CCNT1: variants seen among roughly 807,000 people sequenced by gnomAD.
CCNT1 encodes the protein cyclin T1, also known as cyclin-T1.
CCNT1 carries 18 observed loss-of-function variants against 67.3 expected under a neutral mutation model. The ratio of observed to expected loss-of-function variants is 0.27; its 90% CI spans 0.18 to 0.40. The LOEUF is 0.40. Ranked by LOEUF, CCNT1 falls within the 10% of genes least tolerant of loss-of-function variation. The probability of loss-of-function intolerance (pLI) is 1.00; values close to 1 mark genes in which losing one functional copy is unlikely to be tolerated. For missense variants in CCNT1, 744 were observed against 884.9 expected, an observed-to-expected ratio of 0.84 and a Z score of 2.02; for synonymous variants, 333 against 310.3, an observed-to-expected ratio of 1.07 and a Z score of -0.77.
intron 6 of CCNT1, 77 bp from the exon 7 acceptor site, chr12:48,696,239 T>TA (rs71080140): frequency 0.018 from 1,292 of 71,996 alleles, 75 homozygotes; most frequent in African/African-American, 0.082. Flanking sequence ...CTCCATTATT[T>TA]AAAAAAAAAA....
intron 3 of CCNT1, among the ~76,000 whole-genome samples, chr12:48,701,892 C>A (rs2137232866): frequency 6.6e-6 from 1 of 152,042 alleles, no homozygotes. Context: ...AGGCGTGAGC[C>A]ACCGCACCCG....
At position 48,699,442 on chromosome 12, in the gene CCNT1, A is replaced by G. The variant is rs539330424; in HGVS notation, c.496+336T>C. 3.9e-5 allele frequency among the ~76,000 whole-genome samples: 6 copies of G among 152,336 alleles called. No homozygotes were observed. The East Asian group carries it at 1.2e-3, about 29-fold the overall frequency. ...CATGGAAAGTCCAAATAAATTCTGT[A>G]TGATCCTCTAGGTGGCCTTTAATCA... is the stretch of plus-strand genomic sequence containing the variant. On this transcript the variant is annotated intron_variant, in intron 5 of 8. Coordinates refer to ENST00000261900, the MANE Select transcript of CCNT1 (RefSeq NM_001240.4).
In CCNT1 at chr12:48,696,011, C is replaced by G. The variant is rs773460739; in HGVS notation, c.694G>C (p.Glu232Gln). ...WEYVDATVTL[E>Q]LLDELTHEFL... The stretch of plus-strand genomic sequence containing the variant: ...CTCTAAAACTTACCATCTAAAAGTT[C>G]CAAGGTCACAGTGGCGTCAACATAC... The change falls in exon 7 of 9, where the codon GAA becomes CAA. Residue 232 changes from glutamate (E) to glutamine (Q), a missense_variant. Physicochemically the swap from Glu to Gln is conservative, Grantham distance 29. This residue lies in a region of CCNT1 where 142 missense variants were observed against 277.0 expected (regional missense o/e 0.51). Transcript: ENST00000261900. 5.0e-6 allele frequency: 8 copies of G among 1,614,024 alleles called. No homozygotes were observed. The South Asian group carries it at 8.8e-5, about 18-fold the overall frequency.
rs891643085 is a variant in CCNT1, at chr12:48,689,872, TC to T, written c.*3160del. On this transcript the variant is annotated 3_prime_UTR_variant, in exon 9 of 9. Transcript: ENST00000261900. ...ATGTCACCATGATTTTATTTCCATATCCTAATCCATTGCTGTTTGCAACTGG... is the reference window on the plus strand; with the variant it reads ...ATGTCACCATGATTTTATTTCCATATCTAATCCATTGCTGTTTGCAACTGG... 1.3e-5 allele frequency: 2 copies of T among 152,214 alleles called. No homozygotes were observed. The highest frequency in any genetic ancestry group is 4.8e-5 in the African/African-American group (2 of 41,444). The allele number at this position is 152,214 out of a possible 1,614,324, so 9.4% of individuals were successfully genotyped here.
At position 48,693,912 on chromosome 12, in the gene CCNT1, T is replaced by C. The variant is rs1333973539; in HGVS notation, c.1302A>G (p.Ser434=). ...CCTCTATGGGCATTTTTAGAATGACTGAAGAATGGCTATCATGATGAGAAA... is the reference window on the plus strand; with the variant it reads ...CCTCTATGGGCATTTTTAGAATGACCGAAGAATGGCTATCATGATGAGAAA... ...NLLSHHDSHS[S]VILKMPIEGS... The change falls in exon 9 of 9, where the codon TCA becomes TCG. Residue 434 remains serine (S), a synonymous_variant. Transcript: ENST00000261900. 1.2e-6 allele frequency: 2 copies of C among 1,614,162 alleles called. No individual in the cohort carries two copies. The highest frequency in any genetic ancestry group is 1.6e-4 in the Middle Eastern group (1 of 6,062).
At chr12:48,710,339 C>G (rs983857405) in intron 2 of CCNT1, among the ~76,000 whole-genome samples, 1 of 152,188 alleles carries the variant, frequency 6.6e-6, no homozygotes, top group Non-Finnish European at 1.5e-5. Context: ...GGATTCATCA[C>G]AGCTAAACTT....
intron 2 of CCNT1, among the ~76,000 whole-genome samples, chr12:48,709,432 T>C (rs1438387758): frequency 2.0e-5 from 3 of 152,226 alleles, no homozygotes; most frequent in Admixed American, 1.3e-4. Context: ...ATTCCACCTA[T>C]AGGAACTTGT....
At chr12:48,713,186 A>G (rs1285092218) in intron 2 of CCNT1, among the ~76,000 whole-genome samples, 1 of 143,402 alleles carries the variant, frequency 7.0e-6, no homozygotes, top group Non-Finnish European at 1.5e-5. Context: ...TGTTCTTTGT[A>G]AAATTTTTTT....
Position 48,689,029 on chromosome 12 carries a change from T to C in CCNT1, c.*4004A>G, listed in dbSNP as rs1940030776. The C allele has an allele frequency of 6.6e-6, 1 of 152,200 alleles. No individual in the cohort carries two copies. The highest frequency in any genetic ancestry group is 2.1e-4 in the South Asian group (1 of 4,836). The allele number at this position is 152,200 out of a possible 1,614,324, so 9.4% of individuals were successfully genotyped here. ...AATCAGTTAGTTCCTCAGCTTCAAC[T>C]GAAGAGTTCCTGATTACCTGATGAA... On this transcript the variant is annotated 3_prime_UTR_variant, in exon 9 of 9. Transcript: ENST00000261900.
chr12:48,693,215 G>C lies in CCNT1; in HGVS notation c.1999C>G (p.Leu667Val). Residue 667 changes from leucine (L) to valine (V), a missense_variant, in exon 9 of 9, where the codon CTG (leucine) becomes GTG (valine). This residue lies in a region of CCNT1 where 564 missense variants were observed against 574.2 expected (regional missense o/e 0.98). Coordinates refer to ENST00000261900, the MANE Select transcript of CCNT1 (RefSeq NM_001240.4). Reference sequence around the variant, plus strand: ...GGCTGAACACCCTGGGCACTGAGCAGGGAGTGAAGCATATTCACAGTGTCT... The same window carrying C: ...GGCTGAACACCCTGGGCACTGAGCACGGAGTGAAGCATATTCACAGTGTCT... Reference protein sequence around the residue: ...YQDTVNMLHSLLSAQGVQPTQ... With the variant: ...YQDTVNMLHSVLSAQGVQPTQ... The C allele has an allele frequency of 3.1e-6, 5 of 1,614,180 alleles. No homozygotes were observed. Among genetic ancestry groups the C allele is most frequent in the Non-Finnish European group, 4.2e-6 (5 of 1,180,018 alleles).
chr12:48,697,133 T>G (rs1480900905), intron 6 of CCNT1, among the ~76,000 whole-genome samples: 3 of 152,268 alleles, frequency 2.0e-5, no homozygotes, highest in Admixed American at 1.3e-4. Flanking sequence ...TCATTTACTT[T>G]TTTTAAAAAG....
In CCNT1 at chr12:48,688,476, C is replaced by T. The variant is rs1429691103; in HGVS notation, c.*4557G>A. 6.6e-6 allele frequency: 1 copy of T among 150,804 alleles called. No homozygotes were observed. The allele number at this position is 150,804 out of a possible 1,614,324, so 9.3% of individuals were successfully genotyped here. On this transcript the variant is annotated 3_prime_UTR_variant, in exon 9 of 9. Transcript: ENST00000261900. ...AATCAAATGAGTGTTTTACCATTAA[C>T]ATTTATTGATGGGATGGATAAATAC...
chr12:48,709,547 A>G (rs559882568), intron 2 of CCNT1, among the ~76,000 whole-genome samples: 4 of 152,356 alleles, frequency 2.6e-5, no homozygotes, highest in Non-Finnish European at 5.9e-5. Context: ...CTATCAATAA[A>G]AAGCTGGTTA....
At position 48,716,548 on chromosome 12, in the gene CCNT1, T is replaced by C; in HGVS notation, c.128A>G (p.Asn43Ser). The C allele has an allele frequency of 1.2e-6, 2 of 1,614,062 alleles. No individual in the cohort carries two copies. The highest frequency in any genetic ancestry group is 1.7e-5 in the Admixed American group (1 of 59,992). ...ACGCTGCCCCATGTCCTGAAGCAGA[T>C]TGGCCGCCTGCTGGCGATAAGAAAG... ...KELSYRQQAA[N>S]LLQDMGQRLN... Residue 43 changes from asparagine (N) to serine (S), a missense_variant, in exon 1 of 9, where the codon AAT (asparagine) becomes AGT (serine). Physicochemically the swap from Asn to Ser is conservative, Grantham distance 46 (BLOSUM62 1). Transcript: ENST00000261900.
intron 2 of CCNT1, among the ~76,000 whole-genome samples, chr12:48,708,781 G>A (rs1940404565): frequency 1.3e-5 from 2 of 152,076 alleles, no homozygotes; most frequent in Admixed American, 6.6e-5. Flanking sequence ...TTTATAAGGA[G>A]AGGGAAAAAA....
intron 6 of CCNT1, 114 bp downstream of exon 6, chr12:48,698,024 A>G: frequency 5.0e-6 from 3 of 599,202 alleles, no homozygotes; most frequent in Non-Finnish European, 8.3e-6. Context: ...GTACAACATG[A>G]AAACTGTGCA....
intron 4 of CCNT1, among the ~76,000 whole-genome samples, chr12:48,700,377 TTG>T (rs1315395779): frequency 6.6e-6 from 1 of 151,548 alleles, no homozygotes; most frequent in Admixed American, 6.6e-5. Flanking sequence ...GAGATAAACT[TTG>T]AAGAACTCAT....
Position 48,689,960 on chromosome 12 carries a change from C to G in CCNT1, c.*3073G>C, listed in dbSNP as rs1565613570. 1 of 152,146 alleles carries G rather than the reference C, an allele frequency of 6.6e-6. No homozygotes were observed. Among genetic ancestry groups the G allele is most frequent in the Non-Finnish European group, 1.5e-5 (1 of 68,036 alleles). The allele number at this position is 152,146 out of a possible 1,614,324, so 9.4% of individuals were successfully genotyped here. The stretch of plus-strand genomic sequence containing the variant: ...ATAATACTGAACTATGTAGTATACA[C>G]TAAATCAAAACACTAAAATCATTTT... On this transcript the variant is annotated 3_prime_UTR_variant, in exon 9 of 9. Transcript: ENST00000261900.
In CCNT1 at chr12:48,690,302, A is replaced by G. The variant is rs1230008808; in HGVS notation, c.*2731T>C. 4.6e-5 allele frequency: 7 copies of G among 152,238 alleles called. No homozygotes were observed. The highest frequency in any genetic ancestry group is 1.4e-4 in the African/African-American group (6 of 41,466). The allele number at this position is 152,238 out of a possible 1,614,324, so 9.4% of individuals were successfully genotyped here. A position where few individuals can be genotyped will look rare whatever the true frequency, so the allele number is the denominator to read the frequency against. On this transcript the variant is annotated 3_prime_UTR_variant, in exon 9 of 9. Coordinates refer to ENST00000261900, the MANE Select transcript of CCNT1 (RefSeq NM_001240.4). ...ACTTATTTTTGACAGTCTAGGTTAC[A>G]TGGAGAAACAAAAAGCCATATTTAT... is the stretch of plus-strand genomic sequence containing the variant.
Sources: gnomAD v4.1 joint callset for allele counts (sites outside exome capture counted in the v4.1 genomes callset) on GRCh38, gnomAD v4.1.1 for gene constraint, gnomAD v4.1.1 regional missense constraint, MANE v1.5 for transcripts, NCBI Gene and HGNC (gene_info 2026-07-23, HGNC 2026-07-21) for gene names.